FHIP1A: variants seen among roughly 807,000 people sequenced by gnomAD.
The protein encoded by FHIP1A is FHF complex subunit HOOK-interacting protein 1A.
A neutral mutation model predicts 88.6 loss-of-function variants in FHIP1A; 61 were observed. The observed-to-expected ratio is 0.69, with a 90% confidence interval of 0.56 to 0.85. FHIP1A has a LOEUF of 0.85. FHIP1A is among the 40% of genes least tolerant of loss of function. The pLI, the probability that FHIP1A is intolerant of heterozygous loss-of-function variation, is 0.00. For synonymous variants in FHIP1A, 478 were observed against 496.0 expected (o/e 0.96, Z 0.48); for missense variants, 1,154 against 1,273.5 (o/e 0.91, Z 1.43).
intron 7 of FHIP1A, among the ~76,000 whole-genome samples, chr4:151,628,915 G>A (rs1388544304): frequency 6.6e-6 from 1 of 152,142 alleles, no homozygotes; most frequent in Admixed American, 6.5e-5. Flanking sequence ...AATGTTTAAG[G>A]TTAGAATTTT....
chr4:151,609,642 C>A (rs1442282641), intron 7 of FHIP1A, among the ~76,000 whole-genome samples: 1 of 152,018 alleles, frequency 6.6e-6, no homozygotes, highest in Non-Finnish European at 1.5e-5. Context: ...TGTAGTTAAG[C>A]ACTGTGTCTT....
chr4:151,414,179 T>C (rs899059318), intron 1 of FHIP1A, among the ~76,000 whole-genome samples: 4 of 151,956 alleles, frequency 2.6e-5, no homozygotes, highest in African/African-American at 7.3e-5. Context: ...GCCTCCCGAG[T>C]AGCTGGGACT....
intron 3 of FHIP1A, among the ~76,000 whole-genome samples, chr4:151,488,891 A>G (rs1413822941): frequency 6.6e-6 from 1 of 152,224 alleles, no homozygotes; most frequent in Non-Finnish European, 1.5e-5. Flanking sequence ...CTACTTTTGT[A>G]AAATAACTCG....
intron 3 of FHIP1A, among the ~76,000 whole-genome samples, chr4:151,530,260 T>C (rs536116170): frequency 5.3e-5 from 8 of 152,286 alleles, no homozygotes; most frequent in African/African-American, 1.9e-4. Context: ...CTTCACAGGT[T>C]CTGTACACAG....
intron 1 of FHIP1A, among the ~76,000 whole-genome samples, chr4:151,426,140 C>T (rs1164161059): frequency 6.6e-6 from 1 of 152,002 alleles, no homozygotes; most frequent in African/African-American, 2.4e-5. Flanking sequence ...TTATAGTTGG[C>T]TGAATCAAAA....
Position 151,594,993 on chromosome 4 carries a change from T to G in FHIP1A, c.978+6067T>G, listed in dbSNP as rs182616314. Among the ~76,000 whole-genome samples, 852 of 152,336 alleles carry G rather than the reference T, an allele frequency of 5.6e-3. 7 individuals are homozygous for G. Among genetic ancestry groups the G allele is most frequent in the African/African-American group, 0.019 (806 of 41,578 alleles). ...AAAAACCAGCTTCTGGATTCATTGA[T>G]TTTTTGAAGAGTTTTTCATGTCTCT... On this transcript the variant is annotated intron_variant, in intron 7 of 13. Coordinates refer to ENST00000435205, the MANE Select transcript of FHIP1A (RefSeq NM_001109977.3).
At chr4:151,464,018 C>G (rs948395546) in intron 2 of FHIP1A, among the ~76,000 whole-genome samples, 3 of 152,068 alleles carry the variant, frequency 2.0e-5, no homozygotes, top group Non-Finnish European at 1.5e-5. Flanking sequence ...GCCTCCTTAG[C>G]CAGTTTGATA....
At chr4:151,547,444 C>G (rs908702763) in intron 3 of FHIP1A, among the ~76,000 whole-genome samples, 2 of 152,070 alleles carry the variant, frequency 1.3e-5, no homozygotes, top group African/African-American at 4.8e-5. Flanking sequence ...TGTGGAAATC[C>G]AGAATATAAA....
rs577520925 is a variant in FHIP1A, at chr4:151,654,303, TG to T, written c.2552-1926del. 3.0e-3 allele frequency among the ~76,000 whole-genome samples: 454 copies of T among 152,138 alleles called. 4 individuals are homozygous for T. Among genetic ancestry groups the T allele is most frequent in the African/African-American group, 9.8e-3 (405 of 41,494 alleles). On this transcript the variant is annotated intron_variant, in intron 11 of 13. Coordinates refer to ENST00000435205, the MANE Select transcript of FHIP1A (RefSeq NM_001109977.3). ...ACATGATCTTCCTCTCCACAGGGCA[TG>T]GGATTCAAGCTCATGTGCCCCCCCA...
At chr4:151,566,517 T>C (rs77392195) in intron 4 of FHIP1A, among the ~76,000 whole-genome samples, 153 bp downstream of exon 4, 2,336 of 152,296 alleles carry the variant, frequency 0.015, 38 homozygotes, top group East Asian at 0.095. Flanking sequence ...AGTAACTTTT[T>C]CTTCTTGCTT....
intron 2 of FHIP1A, among the ~76,000 whole-genome samples, chr4:151,481,496 C>G (rs896007911): frequency 2.0e-5 from 3 of 151,794 alleles, no homozygotes; most frequent in African/African-American, 7.2e-5. Context: ...AAATCGTTTC[C>G]ATGTTTATTT....
At chr4:151,544,227 C>G (rs764246428) in intron 3 of FHIP1A, among the ~76,000 whole-genome samples, 1 of 152,192 alleles carries the variant, frequency 6.6e-6, no homozygotes, top group African/African-American at 2.4e-5. Context: ...TGTCCAAGTT[C>G]GTATAGCTGG....
intron 3 of FHIP1A, among the ~76,000 whole-genome samples, chr4:151,526,703 C>G (rs1365711149): frequency 6.6e-6 from 1 of 151,618 alleles, no homozygotes; most frequent in East Asian, 2.0e-4. Flanking sequence ...GGCTGCCGGG[C>G]GGAGACGCTC....
intron 4 of FHIP1A, among the ~76,000 whole-genome samples, chr4:151,574,734 A>G (rs1578770313): frequency 6.6e-6 from 1 of 152,124 alleles, no homozygotes; most frequent in Non-Finnish European, 1.5e-5. Flanking sequence ...TTAAAATCTC[A>G]TTTATATCTC....
intron 2 of FHIP1A, among the ~76,000 whole-genome samples, chr4:151,474,368 G>T (rs999256022): frequency 4.6e-5 from 7 of 152,146 alleles, no homozygotes; most frequent in African/African-American, 1.7e-4. Context: ...TGCAATGTTG[G>T]ATCAGCCCCA....
chr4:151,509,267 A>G (rs930318674), intron 3 of FHIP1A, among the ~76,000 whole-genome samples: 1 of 151,982 alleles, frequency 6.6e-6, no homozygotes, highest in Non-Finnish European at 1.5e-5. Flanking sequence ...GGTTCACGCC[A>G]TTCTCCTGCC....
intron 1 of FHIP1A, among the ~76,000 whole-genome samples, chr4:151,427,623 T>A (rs933368361): frequency 7.9e-5 from 12 of 151,896 alleles, no homozygotes; most frequent in Non-Finnish European, 1.6e-4. Flanking sequence ...TTAATTTGAA[T>A]TTTTTTTGCC....
At position 151,525,742 on chromosome 4, in the gene FHIP1A, ACTT is replaced by A. The variant is rs1731605004; in HGVS notation, c.-122-40392_-122-40390del. Reference sequence around the variant, plus strand: ...CTAATGTTTTGCTGCTCACCTTTGTACTTCTTTTTTTTTTTTTTTCATTTTTAA... The same window carrying A: ...CTAATGTTTTGCTGCTCACCTTTGTACTTTTTTTTTTTTTTTCATTTTTAA... On this transcript the variant is annotated intron_variant, in intron 3 of 13. Transcript: ENST00000435205. 2.1e-5 allele frequency among the ~76,000 whole-genome samples: 3 copies of A among 145,732 alleles called. No individual in the cohort carries two copies. In the South Asian group the frequency reaches 6.6e-4, roughly 32 times the overall value.
Position 151,443,685 on chromosome 4 carries a change from C to CTGTGTGTGTGTGTGTGTGTGTGTG in FHIP1A, c.-355-11000_-355-10977dup, listed in dbSNP as rs57147339. Among the ~76,000 whole-genome samples, 167 of 122,164 alleles carry CTGTGTGTGTGTGTGTGTGTGTGTG rather than the reference C, an allele frequency of 1.4e-3. 1 individual carries two copies. The highest frequency in any genetic ancestry group is 4.3e-3 in the Middle Eastern group (1 of 232). The allele number at this position is 122,164 out of a possible 152,430, so 80.1% of individuals were successfully genotyped here. On this transcript the variant is annotated intron_variant, in intron 1 of 13. Transcript: ENST00000435205. ...GAGTGAGAATTCTAAATGAAGCACT[C>CTGTGTGTGTGTGTGTGTGTGTGTG]TGTGTGTGTGTGTGTGTGTGTGTGT...
Sources: allele counts gnomAD v4.1 joint callset (sites outside exome capture counted in the v4.1 genomes callset), GRCh38; gene constraint gnomAD v4.1.1; transcripts MANE v1.5; gene names NCBI Gene and HGNC (gene_info 2026-07-23, HGNC 2026-07-21).